NFIB: variants seen among roughly 807,000 people sequenced by gnomAD.
NFIB encodes the protein nuclear factor I B, also known as nuclear factor 1 B-type.
In NFIB, 11 loss-of-function variants were observed where a neutral mutation model predicts 61.5. The ratio of observed to expected loss-of-function variants is 0.18; its 90% CI spans 0.11 to 0.30. The LOEUF (loss-of-function observed/expected upper bound fraction) is 0.30. Among genes scored for constraint, NFIB ranks in the 10% least tolerant of loss-of-function variants. NFIB has a pLI of 1.00. For missense variants in NFIB, 471 were observed against 608.9 expected (o/e 0.77, Z 2.38); for synonymous variants, 260 against 216.5 (o/e 1.20, Z -1.76).
intron 8 of NFIB, among the ~76,000 whole-genome samples, chr9:14,117,942 G>A (rs1304024332): frequency 6.6e-6 from 1 of 152,046 alleles, no homozygotes; most frequent in Admixed American, 6.6e-5. Flanking sequence ...GGAGAATATT[G>A]GGAAGCAACA....
At chr9:14,414,158 C>T in the NFIB span, among the ~76,000 whole-genome samples, 3 of 152,162 alleles carry the variant, frequency 2.0e-5, no homozygotes, top group South Asian at 6.2e-4. Flanking sequence ...AAGATATGGG[C>T]CGGGTGTGGT....
At chr9:14,154,220 T>C (rs1164195317) in intron 4 of NFIB, among the ~76,000 whole-genome samples, 2 of 152,130 alleles carry the variant, frequency 1.3e-5, no homozygotes, top group Non-Finnish European at 2.9e-5. Context: ...TTACCTATCA[T>C]GAGGTACTAA....
At chr9:14,480,126 T>A in the NFIB span, among the ~76,000 whole-genome samples, 1 of 151,970 alleles carries the variant, frequency 6.6e-6, no homozygotes, top group Non-Finnish European at 1.5e-5. Context: ...ATTTTATAAG[T>A]CAGGCCCTCT....
chr9:14,419,940 T>C, the NFIB span, among the ~76,000 whole-genome samples: 2 of 152,170 alleles, frequency 1.3e-5, no homozygotes, highest in African/African-American at 4.8e-5. Flanking sequence ...TCTTGTTTTG[T>C]AGAGTAAATT....
intron 2 of NFIB, among the ~76,000 whole-genome samples, chr9:14,300,523 G>C (rs975386156): frequency 1.3e-5 from 2 of 152,186 alleles, no homozygotes; most frequent in Non-Finnish European, 2.9e-5. Flanking sequence ...TTCAGAGCCA[G>C]GGATCGCCTT....
chr9:14,521,022 A>G, the NFIB span, among the ~76,000 whole-genome samples: 1 of 152,116 alleles, frequency 6.6e-6, no homozygotes, highest in South Asian at 2.1e-4. Context: ...CTACTGCCCC[A>G]TTGATTCAGG....
chr9:14,479,618 G>C, the NFIB span, among the ~76,000 whole-genome samples: 3 of 152,176 alleles, frequency 2.0e-5, no homozygotes, highest in Non-Finnish European at 2.9e-5. Context: ...ATCTGGCTCA[G>C]ATACTGCCCC....
At chr9:14,252,929 G>A (rs560385466) in intron 2 of NFIB, among the ~76,000 whole-genome samples, 1 of 142,096 alleles carries the variant, frequency 7.0e-6, no homozygotes, top group Non-Finnish European at 1.5e-5. Flanking sequence ...GACTGGTGAT[G>A]GATGCATGGA....
chr9:14,146,640 G>A (rs200056947), intron 6 of NFIB, 49 bp downstream of exon 6: 87 of 1,611,146 alleles, frequency 5.4e-5, no homozygotes, highest in Middle Eastern at 3.3e-4. Flanking sequence ...CTTAAGAAAC[G>A]AGCCAACATT....
chr9:14,457,280 T>C, the NFIB span, among the ~76,000 whole-genome samples: 12 of 152,176 alleles, frequency 7.9e-5, no homozygotes, highest in African/African-American at 2.9e-4. Context: ...ATTTTGAATT[T>C]TGAACCACTT....
Position 14,113,048 on chromosome 9 carries a change from C to T in NFIB, c.1418G>A (p.Arg473Gln), listed in dbSNP as rs2037615975. The stretch of plus-strand genomic sequence containing the variant: ...GTCTCTTGGGCTTAGTCCCACATAT[C>T]GATTGGCTTGAGATGTGCCTGAGGC... ...YTASGTSQAN[R>Q]YVGLSPRDPS... The change falls in exon 10 of 11, where the codon CGA (arginine) becomes CAA (glutamine). Residue 473 changes from arginine (R) to glutamine (Q), a missense_variant. Around this residue, in one of 2 missense-constraint regions of NFIB, gnomAD observed 372 missense variants for 395.6 expected, o/e 0.94. Transcript: ENST00000380953. The T allele has an allele frequency of 1.9e-6, 3 of 1,550,186 alleles. No homozygotes were observed. The highest frequency in any genetic ancestry group is 2.6e-6 in the Non-Finnish European group (3 of 1,146,812).
chr9:14,135,816 G>A (rs1414211460), intron 6 of NFIB, among the ~76,000 whole-genome samples: 2 of 152,018 alleles, frequency 1.3e-5, no homozygotes, highest in Admixed American at 6.5e-5. Context: ...CTTTTCAAAT[G>A]AGAAAGTATG....
intron 2 of NFIB, among the ~76,000 whole-genome samples, chr9:14,183,880 G>A (rs189459329): frequency 6.6e-6 from 1 of 151,824 alleles, no homozygotes; most frequent in Admixed American, 6.5e-5. Context: ...CTTTAAGTGT[G>A]GGTTAAACAT....
At chr9:14,205,227 G>A (rs1379132584) in intron 2 of NFIB, among the ~76,000 whole-genome samples, 1 of 18,164 alleles carries the variant, frequency 5.5e-5, no homozygotes, top group Non-Finnish European at 7.6e-5. Context: ...GAGGGGAGGG[G>A]AGGGGGAAAA....
the NFIB span, among the ~76,000 whole-genome samples, chr9:14,489,156 C>G: frequency 1.3e-5 from 2 of 152,110 alleles, no homozygotes; most frequent in Non-Finnish European, 2.9e-5. Flanking sequence ...TCTTCAAGAT[C>G]TGAATTGTAG....
the NFIB span, among the ~76,000 whole-genome samples, chr9:14,455,347 T>C: frequency 6.6e-6 from 1 of 152,178 alleles, no homozygotes. Context: ...TCATGCATTA[T>C]TTACTATTAA....
At chr9:14,103,707 T>C (rs899222429) in intron 10 of NFIB, among the ~76,000 whole-genome samples, 1 of 152,256 alleles carries the variant, frequency 6.6e-6, no homozygotes, top group African/African-American at 2.4e-5. Flanking sequence ...TATGAGGCTC[T>C]AAAAATACTA....
rs993931848 is a variant in NFIB at position 14,087,822 on chromosome 9, T to G, written c.*487A>C. The G allele has an allele frequency of 1.3e-5, 3 of 222,724 alleles. No homozygotes were observed. In the Admixed American group the frequency reaches 1.7e-4, roughly 13 times the overall value. The allele number at this position is 222,724 out of a possible 1,614,324, so 13.8% of individuals were successfully genotyped here. A position where few individuals can be genotyped will look rare whatever the true frequency, so the allele number is the denominator to read the frequency against. The stretch of plus-strand genomic sequence containing the variant: ...TGGTGAGATAACCAGGAATAGTGAT[T>G]CCATGCGTAAACAACAAGAATACTA... On this transcript the variant is annotated 3_prime_UTR_variant, in exon 11 of 11. Coordinates refer to ENST00000380953, the MANE Select transcript of NFIB (RefSeq NM_001190737.2).
intron 2 of NFIB, among the ~76,000 whole-genome samples, chr9:14,219,381 T>TAAAAAAAAAAAAA (rs751279935): frequency 6.8e-5 from 5 of 73,514 alleles, no homozygotes; most frequent in Non-Finnish European, 9.7e-5. Context: ...AGCACTAGGG[T>TAAAAAAAAAAAAA]AAAAAAAAAA....
Sources: allele counts gnomAD v4.1 joint callset (sites outside exome capture counted in the v4.1 genomes callset), GRCh38; gene constraint gnomAD v4.1.1; regional missense constraint gnomAD v4.1.1; transcripts MANE v1.5; gene names NCBI Gene and HGNC (gene_info 2026-07-23, HGNC 2026-07-21).